Variants in CDH18 observed in about 807,000 individuals in gnomAD.
The protein encoded by CDH18 is cadherin-18.
A neutral mutation model predicts 67.9 loss-of-function variants in CDH18; 31 were observed. That is an observed-to-expected ratio of 0.46 (90% CI 0.34 to 0.62). CDH18 has a LOEUF of 0.62. CDH18 is among the 20% of genes least tolerant of loss of function. The pLI is 0.01. For missense variants in CDH18, 890 were observed against 975.5 expected, an observed-to-expected ratio of 0.91 and a Z score of 1.17; for synonymous variants, 362 against 347.2, an observed-to-expected ratio of 1.04 and a Z score of -0.48.
At chr5:19,994,728 TATATATATATAG>T (rs56148017) in intron 2 of CDH18, among the ~76,000 whole-genome samples, 12 of 20,932 alleles carry the variant, frequency 5.7e-4, no homozygotes, top group Admixed American at 8.3e-4. Context: ...TATATATATA[TATATATATATAG>T]AGAGAGAGAG....
At chr5:20,147,795 A>T (rs746625695) in intron 2 of CDH18, among the ~76,000 whole-genome samples, 2 of 152,156 alleles carry the variant, frequency 1.3e-5, no homozygotes, top group Non-Finnish European at 2.9e-5. Context: ...TTAAAATGGG[A>T]ATCTTCATTT....
chr5:19,840,767 G>C (rs916438624), intron 2 of CDH18, among the ~76,000 whole-genome samples: 5 of 152,088 alleles, frequency 3.3e-5, no homozygotes, highest in Admixed American at 6.6e-5. Flanking sequence ...TATAAATTTT[G>C]CATCAAGTTT....
intron 1 of CDH18, among the ~76,000 whole-genome samples, chr5:20,282,549 T>A (rs573080989): frequency 5.9e-5 from 9 of 152,314 alleles, no homozygotes; most frequent in African/African-American, 2.2e-4. Flanking sequence ...CAGCCTTGCA[T>A]CCCAGGGATG....
At chr5:20,546,943 T>G (rs376450539) in intron 1 of CDH18, among the ~76,000 whole-genome samples, 133 of 152,288 alleles carry the variant, frequency 8.7e-4, no homozygotes, top group African/African-American at 3.1e-3. Context: ...TGATAGTCCT[T>G]GATGGCTAGG....
chr5:20,360,266 T>C (rs994765484), intron 1 of CDH18, among the ~76,000 whole-genome samples: 1 of 152,070 alleles, frequency 6.6e-6, no homozygotes, highest in African/African-American at 2.4e-5. Context: ...GATAAAGGAC[T>C]TTTGTAGCTA....
At chr5:20,397,290 C>T (rs536980888) in intron 1 of CDH18, among the ~76,000 whole-genome samples, 95 of 151,988 alleles carry the variant, frequency 6.3e-4, no homozygotes, top group African/African-American at 2.2e-3. Context: ...ACCACCACGC[C>T]CGGCTAATTT....
intron 1 of CDH18, among the ~76,000 whole-genome samples, chr5:20,472,751 AT>A (rs1241572565): frequency 6.6e-5 from 10 of 152,204 alleles, no homozygotes; most frequent in Non-Finnish European, 1.0e-4. Flanking sequence ...ATTACCATAT[AT>A]TAATGTACTA....
chr5:19,701,000 T>C (rs1004687918), intron 5 of CDH18, among the ~76,000 whole-genome samples: 1 of 151,756 alleles, frequency 6.6e-6, no homozygotes, highest in African/African-American at 2.4e-5. Context: ...TAAGCATCGA[T>C]CAAGAAATCC....
At chr5:19,601,591 A>T (rs1250044206) in intron 6 of CDH18, among the ~76,000 whole-genome samples, 4 of 151,308 alleles carry the variant, frequency 2.6e-5, no homozygotes, top group Non-Finnish European at 1.5e-5. Flanking sequence ...GAAATTACCT[A>T]ATTTATTTTA....
At position 20,561,236 on chromosome 5, in the gene CDH18, T is replaced by C. The variant is rs575613974; in HGVS notation, c.-580+14226A>G. Among the ~76,000 whole-genome samples, 9 of 152,252 alleles carry C rather than the reference T, an allele frequency of 5.9e-5. 1 individual carries two copies. The East Asian group carries it at 1.7e-3, about 29-fold the overall frequency. ...ACTAAGCAAATCTTACCTTGCAATC[T>C]AGAGTCATGTTCTTTGGTACTTACC... On this transcript the variant is annotated intron_variant, in intron 1 of 14. Coordinates refer to the CDH18 transcript ENST00000507958.
chr5:19,746,436 G>A (rs1176247260), intron 4 of CDH18, among the ~76,000 whole-genome samples: 1 of 152,080 alleles, frequency 6.6e-6, no homozygotes, highest in East Asian at 1.9e-4. Flanking sequence ...AATAAATAAG[G>A]TATATAAATG....
At chr5:19,723,815 G>A (rs184663447) in intron 4 of CDH18, among the ~76,000 whole-genome samples, 115 of 152,120 alleles carry the variant, frequency 7.6e-4, no homozygotes, top group African/African-American at 2.5e-3. Context: ...CCGAGTTCAG[G>A]CAATTCTCCT....
intron 2 of CDH18, among the ~76,000 whole-genome samples, chr5:20,087,072 TA>T (rs1215427660): frequency 6.6e-6 from 1 of 152,174 alleles, no homozygotes; most frequent in Non-Finnish European, 1.5e-5. Flanking sequence ...ATCAAAATAT[TA>T]ACATTAATAG....
chr5:19,507,147 T>C (rs927924188), intron 10 of CDH18, among the ~76,000 whole-genome samples: 2 of 151,994 alleles, frequency 1.3e-5, no homozygotes, highest in Non-Finnish European at 2.9e-5. Context: ...AAAAGACACA[T>C]GAAAAAATGC....
intron 2 of CDH18, among the ~76,000 whole-genome samples, chr5:19,957,937 C>A (rs1386923149): frequency 6.6e-6 from 1 of 152,020 alleles, no homozygotes; most frequent in Non-Finnish European, 1.5e-5. Flanking sequence ...CATGCCAAAA[C>A]ATCACATTGA....
intron 1 of CDH18, among the ~76,000 whole-genome samples, chr5:20,264,879 T>C (rs1041357210): frequency 1.3e-5 from 2 of 152,130 alleles, no homozygotes; most frequent in African/African-American, 2.4e-5. Context: ...ACAGTCTAAA[T>C]TCTCCATTTT....
intron 1 of CDH18, among the ~76,000 whole-genome samples, chr5:20,333,505 C>CAA (rs376922406): frequency 1.2e-3 from 143 of 116,168 alleles, no homozygotes; most frequent in South Asian, 2.7e-3. Flanking sequence ...GACTCCATCT[C>CAA]AAAAAAAAAA....
chr5:19,718,906 C>T lies in CDH18; in HGVS notation c.643+2441G>A, dbSNP rs961716633. Among the ~76,000 whole-genome samples the T allele has an allele frequency of 4.6e-5, 7 of 152,020 alleles. No homozygotes were observed. The East Asian group carries it at 7.7e-4, about 17-fold the overall frequency. On this transcript the variant is annotated intron_variant, in intron 5 of 12. Transcript: ENST00000382275. Reference sequence around the variant, plus strand: ...TTTTTGTTGTTTAATAAGGTACTCACTTAAACTATAATATATGTACATAAA... The same window carrying T: ...TTTTTGTTGTTTAATAAGGTACTCATTTAAACTATAATATATGTACATAAA...
intron 1 of CDH18, among the ~76,000 whole-genome samples, chr5:20,431,829 G>A (rs534809888): frequency 1.3e-5 from 2 of 152,078 alleles, no homozygotes; most frequent in Admixed American, 6.6e-5. Flanking sequence ...TTTATCTGAG[G>A]TTTTTCTTTT....
Sources: gnomAD v4.1 joint callset for allele counts (sites outside exome capture counted in the v4.1 genomes callset) on GRCh38, gnomAD v4.1.1 for gene constraint, MANE v1.5 for transcripts, NCBI Gene and HGNC (gene_info 2026-07-23, HGNC 2026-07-21) for gene names.